The following NRG2 variants were observed in gnomAD, a reference collection of about 807,000 sequenced individuals.
NRG2 encodes the protein neuregulin 2.
In NRG2, 27 loss-of-function variants were observed where a neutral mutation model predicts 73.9. That is an observed-to-expected ratio of 0.37 (90% CI 0.27 to 0.50). The LOEUF (loss-of-function observed/expected upper bound fraction) is 0.50. Ranked by LOEUF, NRG2 falls within the 20% of genes least tolerant of loss-of-function variation. The pLI is 0.96. For missense variants in NRG2, 1,126 were observed against 1,210.1 expected (o/e 0.93, Z 1.03); for synonymous variants, 532 against 541.0 (o/e 0.98, Z 0.23).
At chr5:139,969,103 G>C (rs571147395) in intron 1 of NRG2, among the ~76,000 whole-genome samples, 15 of 152,222 alleles carry the variant, frequency 9.9e-5, no homozygotes, top group African/African-American at 3.6e-4. Flanking sequence ...GGGCTCAGAG[G>C]CCTTGCCATA....
chr5:139,953,149 C>T (rs1754352956), intron 1 of NRG2, among the ~76,000 whole-genome samples: 1 of 152,142 alleles, frequency 6.6e-6, no homozygotes, highest in Non-Finnish European at 1.5e-5. Flanking sequence ...TAGCACTTAA[C>T]CATGGGCTGT....
At chr5:139,854,741 A>G (rs544873805) in intron 6 of NRG2, among the ~76,000 whole-genome samples, 1 of 152,314 alleles carries the variant, frequency 6.6e-6, no homozygotes, top group South Asian at 2.1e-4. Context: ...TGCTTTCCAG[A>G]TAAGAACAGT....
chr5:139,969,914 G>A lies in NRG2; in HGVS notation c.700+72456C>T, dbSNP rs529121067. Among the ~76,000 whole-genome samples the A allele has an allele frequency of 3.3e-5, 5 of 152,162 alleles. No individual in the cohort carries two copies. The East Asian group carries it at 5.8e-4, about 18-fold the overall frequency. ...ATTGCAAATGGAGTGTGCTATCATC[G>A]CCTAAGAATAATATAAATAAAGCAA... On this transcript the variant is annotated intron_variant, in intron 1 of 9. Coordinates refer to ENST00000361474, the MANE Select transcript of NRG2 (RefSeq NM_004883.3).
intron 1 of NRG2, among the ~76,000 whole-genome samples, chr5:140,031,486 T>G (rs1761150447): frequency 6.6e-6 from 1 of 152,162 alleles, no homozygotes; most frequent in Admixed American, 6.5e-5. Context: ...TTAAAAAAAT[T>G]TTTATTTTCA....
intron 1 of NRG2, among the ~76,000 whole-genome samples, chr5:139,903,275 C>A (rs916229354): frequency 6.6e-6 from 1 of 152,184 alleles, no homozygotes; most frequent in Non-Finnish European, 1.5e-5. Context: ...ATCTCTGGAA[C>A]GTACTTCGTT....
intron 2 of NRG2, among the ~76,000 whole-genome samples, chr5:139,882,484 T>C (rs956499985): frequency 1.3e-5 from 2 of 152,236 alleles, no homozygotes; most frequent in African/African-American, 2.4e-5. Context: ...AGCTGGTCTC[T>C]GTCTCCTTGG....
chr5:139,899,737 T>C (rs1764757475), intron 1 of NRG2, among the ~76,000 whole-genome samples: 1 of 152,206 alleles, frequency 6.6e-6, no homozygotes, highest in Non-Finnish European at 1.5e-5. Flanking sequence ...ATCTGACCAG[T>C]TGATCTGATG....
rs956002144 is a variant in NRG2 at position 139,872,242 on chromosome 5, C to T, written c.992-401G>A. Among the ~76,000 whole-genome samples the T allele has an allele frequency of 2.6e-5, 4 of 152,154 alleles. No homozygotes were observed. In the East Asian group the frequency reaches 7.7e-4, roughly 29 times the overall value. Reference sequence around the variant, plus strand: ...TGATGTCTCATGTGGGGAACAAACGCAGGAGGCGGTGCAGGAAAGAGACAC... The same window carrying T: ...TGATGTCTCATGTGGGGAACAAACGTAGGAGGCGGTGCAGGAAAGAGACAC... On this transcript the variant is annotated intron_variant, in intron 3 of 9. Coordinates refer to ENST00000361474, the MANE Select transcript of NRG2 (RefSeq NM_004883.3).
intron 1 of NRG2, among the ~76,000 whole-genome samples, chr5:139,997,424 G>A (rs975329695): frequency 1.3e-5 from 2 of 152,218 alleles, no homozygotes; most frequent in Admixed American, 6.5e-5. Flanking sequence ...AAGACCATTT[G>A]ATACATGGAC....
At chr5:140,040,912 AT>A (rs1012677205) in intron 1 of NRG2, among the ~76,000 whole-genome samples, 2 of 152,216 alleles carry the variant, frequency 1.3e-5, no homozygotes, top group African/African-American at 4.8e-5. Context: ...AACTGCTGTT[AT>A]CCCCCAAAGT....
intron 1 of NRG2, among the ~76,000 whole-genome samples, chr5:139,962,513 A>G (rs1303037758): frequency 6.6e-6 from 1 of 152,160 alleles, no homozygotes; most frequent in African/African-American, 2.4e-5. Flanking sequence ...CAAGGTTTAC[A>G]AGGCTGGGGT....
In NRG2 at chr5:139,984,016, A is replaced by G. The variant is rs570403009; in HGVS notation, c.700+58354T>C. Among the ~76,000 whole-genome samples, 6 of 152,346 alleles carry G rather than the reference A, an allele frequency of 3.9e-5. No individual in the cohort carries two copies. In the East Asian group the frequency reaches 9.6e-4, roughly 24 times the overall value. The stretch of plus-strand genomic sequence containing the variant: ...CAGAAATGTCTCAACTGCAATGGGC[A>G]TGCAAGAATTTACATTAATAATGAA... On this transcript the variant is annotated intron_variant, in intron 1 of 9. Coordinates refer to ENST00000361474, the MANE Select transcript of NRG2 (RefSeq NM_004883.3).
At chr5:139,888,115 AACACACACACAC>A (rs148802670) in intron 1 of NRG2, among the ~76,000 whole-genome samples, 1 of 148,816 alleles carries the variant, frequency 6.7e-6, no homozygotes, top group Non-Finnish European at 1.5e-5. Flanking sequence ...AAAACAAAAC[AACACACACACAC>A]ACACACACAC....
chr5:139,892,778 CA>C lies in NRG2; in HGVS notation c.701-5268del, dbSNP rs1206287461. ...ATGCAGTGGGCAGGCATTTATCCCCCATTCAGTCGACACTCTGATCCCTACC... is the reference window on the plus strand; with the variant it reads ...ATGCAGTGGGCAGGCATTTATCCCCCTTCAGTCGACACTCTGATCCCTACC... On this transcript the variant is annotated intron_variant, in intron 1 of 9. Coordinates refer to ENST00000361474, the MANE Select transcript of NRG2 (RefSeq NM_004883.3). Among the ~76,000 whole-genome samples the C allele has an allele frequency of 1.3e-5, 2 of 152,156 alleles. 1 individual carries two copies. The highest frequency in any genetic ancestry group is 4.8e-5 in the African/African-American group (2 of 41,418).
intron 1 of NRG2, among the ~76,000 whole-genome samples, chr5:139,937,352 A>G (rs574614899): frequency 6.6e-6 from 1 of 152,344 alleles, no homozygotes; most frequent in South Asian, 2.1e-4. Flanking sequence ...AAAGACCTAC[A>G]GCTATATCAT....
Position 139,853,105 on chromosome 5 carries a change from G to A in NRG2, c.1293-78C>T. On this transcript the variant is annotated intron_variant, in intron 6 of 9. Coordinates refer to ENST00000361474, the MANE Select transcript of NRG2 (RefSeq NM_004883.3). The surrounding 1 kb of genome is among the most constrained non-coding windows in gnomAD (Gnocchi z 4.1). ...GAACTTCCCTAGCTATCTCTCTAGG[G>A]AAACAGCTTTTCCTCCTGCCCAGGG... The A allele has an allele frequency of 6.3e-7, 1 of 1,583,870 alleles. No individual in the cohort carries two copies. The highest frequency in any genetic ancestry group is 8.6e-7 in the Non-Finnish European group (1 of 1,165,252).
chr5:140,023,715 G>C (rs1028351930), intron 1 of NRG2, among the ~76,000 whole-genome samples: 2 of 152,176 alleles, frequency 1.3e-5, no homozygotes, highest in Non-Finnish European at 2.9e-5. Flanking sequence ...GAAGTGGAAA[G>C]AATGGGACTG....
chr5:139,856,951 C>T lies in NRG2; in HGVS notation c.1190-1173G>A, dbSNP rs1017198687. Among the ~76,000 whole-genome samples, 13 of 152,228 alleles carry T rather than the reference C, an allele frequency of 8.5e-5. No individual in the cohort carries two copies. The highest frequency in any genetic ancestry group is 1.8e-4 in the Non-Finnish European group (12 of 68,032). Reference sequence around the variant, plus strand: ...TCCCCATCTCTTGGCTCTGTGCCCACAGCCCTGGCTCCAGCTCTCACGCCC... The same window carrying T: ...TCCCCATCTCTTGGCTCTGTGCCCATAGCCCTGGCTCCAGCTCTCACGCCC... On this transcript the variant is annotated intron_variant, in intron 5 of 9. Coordinates refer to ENST00000361474, the MANE Select transcript of NRG2 (RefSeq NM_004883.3). The surrounding 1 kb of genome is among the most constrained non-coding windows in gnomAD (Gnocchi z 4.2).
chr5:139,879,147 G>A, intron 3 of NRG2, among the ~76,000 whole-genome samples: 1 of 152,210 alleles, frequency 6.6e-6, no homozygotes, highest in East Asian at 1.9e-4. Flanking sequence ...ATGGGATAAT[G>A]TGGAGCTTGG....
Sources: allele counts gnomAD v4.1 joint callset (sites outside exome capture counted in the v4.1 genomes callset), GRCh38; gene constraint gnomAD v4.1.1; non-coding constraint Gnocchi (gnomAD v3.1); transcripts MANE v1.5; gene names NCBI Gene and HGNC (gene_info 2026-07-23, HGNC 2026-07-21).